Variants in HACD4 observed in about 807,000 individuals in gnomAD.
The protein encoded by HACD4 is very-long-chain (3R)-3-hydroxyacyl-CoA dehydratase 4.
HACD4 carries 35 observed loss-of-function variants against 33.3 expected under a neutral mutation model. That is an observed-to-expected ratio of 1.05 (90% CI 0.80 to 1.39). The LOEUF (loss-of-function observed/expected upper bound fraction) is 1.39, where lower values mean the gene tolerates loss of function less well. Ranked by LOEUF, HACD4 falls within the 40% of genes most tolerant of loss-of-function variation. HACD4 has a pLI of 0.00. For synonymous variants in HACD4, 118 were observed against 98.0 expected (o/e 1.20, Z -1.21); for missense variants, 323 against 276.5 (o/e 1.17, Z -1.19).
intron 5 of HACD4, among the ~76,000 whole-genome samples, chr9:21,009,192 G>A (rs10811449): frequency 0.29 from 43,775 of 151,926 alleles, 6,597 homozygotes; most frequent in East Asian, 0.51. Flanking sequence ...ATTTAACTGC[G>A]CAGTTTTATA....
At chr9:21,012,134 A>G (rs768575855) in intron 4 of HACD4, among the ~76,000 whole-genome samples, 4 of 152,212 alleles carry the variant, frequency 2.6e-5, no homozygotes, top group Non-Finnish European at 5.9e-5. Flanking sequence ...CAGTTGTACT[A>G]TCTATGTGAT....
chr9:21,024,324 C>T (rs1053600936), intron 3 of HACD4, among the ~76,000 whole-genome samples: 8 of 152,190 alleles, frequency 5.3e-5, no homozygotes, highest in African/African-American at 1.9e-4. Flanking sequence ...AATTTTCTTC[C>T]CTAACACAGT....
chr9:21,031,472 C>CGCCCGCA (rs1818219307), intron 1 of HACD4, 81 bp downstream of exon 1: 1 of 1,358,124 alleles, frequency 7.4e-7, no homozygotes, highest in Non-Finnish European at 9.4e-7. Flanking sequence ...TGCCGCCCGC[C>CGCCCGCA]CGCCCGCCGC....
chr9:21,031,636 C>CGGGGAGGAGGCA lies in HACD4; in HGVS notation c.-47_-46insTGCCTCCTCCCC. On this transcript the variant is annotated 5_prime_UTR_variant, in exon 1 of 7. Transcript: ENST00000495827. ...TCCAGCGCGGTCCAGGAAGGAGTAC[C>CGGGGAGGAGGCA]GGGGAGGAGGCAGGGGCGGCCCCGC... is the stretch of plus-strand genomic sequence containing the variant. 7.4e-7 allele frequency: 1 copy of CGGGGAGGAGGCA among 1,346,932 alleles called. No individual in the cohort carries two copies. 83.4% of individuals were successfully genotyped at this position (1,346,932 alleles called of 1,614,324 possible).
intron 4 of HACD4, among the ~76,000 whole-genome samples, chr9:21,013,400 A>G (rs1031997837): frequency 6.6e-6 from 1 of 152,212 alleles, no homozygotes; most frequent in African/African-American, 2.4e-5. Context: ...ACAGTACCAC[A>G]CTTAATTATT....
intron 2 of HACD4, among the ~76,000 whole-genome samples, chr9:21,028,384 C>T (rs1818119717): frequency 6.6e-6 from 1 of 152,162 alleles, no homozygotes; most frequent in East Asian, 1.9e-4. Flanking sequence ...TGCTTGAAAA[C>T]TCTCAACATT....
chr9:21,024,435 T>G (rs1471021057), intron 3 of HACD4, among the ~76,000 whole-genome samples: 2 of 152,248 alleles, frequency 1.3e-5, no homozygotes, highest in South Asian at 4.1e-4. Context: ...AAGGTCTCAA[T>G]GTATATTTGC....
chr9:21,008,537 T>C (rs371557546), intron 5 of HACD4, among the ~76,000 whole-genome samples: 12 of 152,172 alleles, frequency 7.9e-5, no homozygotes, highest in Admixed American at 7.2e-4. Flanking sequence ...GTAGAACACA[T>C]ATTAACATTG....
At position 21,001,072 on chromosome 9, in the gene HACD4, C is replaced by G. The variant is rs1842159999; in HGVS notation, c.*5965G>C. On this transcript the variant is annotated 3_prime_UTR_variant, in exon 7 of 7. Transcript: ENST00000495827. Reference sequence around the variant, plus strand: ...ATACAAAGAAACAGGAAAGTATGTCCCTTTCAAATGAAAACAAAAACAAAA... The same window carrying G: ...ATACAAAGAAACAGGAAAGTATGTCGCTTTCAAATGAAAACAAAAACAAAA... 1 of 151,954 alleles carries G rather than the reference C, an allele frequency of 6.6e-6. No homozygotes were observed. The highest frequency in any genetic ancestry group is 2.4e-5 in the African/African-American group (1 of 41,406). 9.4% of individuals were successfully genotyped at this position (151,954 alleles called of 1,614,324 possible). A position where few individuals can be genotyped will look rare whatever the true frequency, so the allele number is the denominator to read the frequency against.
At chr9:21,023,437 C>G (rs978412217) in intron 3 of HACD4, among the ~76,000 whole-genome samples, 1 of 152,130 alleles carries the variant, frequency 6.6e-6, no homozygotes, top group Non-Finnish European at 1.5e-5. Context: ...CCCCTGTGGA[C>G]ACACCACCAC....
intron 4 of HACD4, chr9:21,015,264 G>A (rs1327680492): frequency 6.6e-6 from 1 of 152,124 alleles, no homozygotes; most frequent in African/African-American, 2.4e-5. Context: ...TCTCAAGTAG[G>A]AGGGACGGTT....
chr9:21,011,649 A>G lies in HACD4; in HGVS notation c.430T>C (p.Leu144=). 1 of 1,611,722 alleles carries G rather than the reference A, an allele frequency of 6.2e-7. No homozygotes were observed. Among genetic ancestry groups the G allele is most frequent in the Non-Finnish European group, 8.5e-7 (1 of 1,178,116 alleles). The change falls in exon 5 of 7, where the codon TTG becomes CTG. Residue 144 remains leucine, a synonymous_variant. Transcript: ENST00000495827. ...CATAGTGTTTGACTGAGCCATGTCA[A>G]GACAGCATAGGATATTCCTATGACT... ...LSVIGISYAV[L]TWLSQTLWMP...
Position 21,008,163 on chromosome 9 carries a change from G to C in HACD4, c.491-17C>G, listed in dbSNP as rs1842317826. On this transcript the variant is annotated splice_polypyrimidine_tract_variant and intron_variant, in intron 5 of 6. Coordinates refer to ENST00000495827, the MANE Select transcript of HACD4 (RefSeq NM_001010915.5). ...TGGCAAATGCTGTTAAAAAAGAAAGGCATCATAAAGGTATTCCTCCTTAAG... is the reference window on the plus strand; with the variant it reads ...TGGCAAATGCTGTTAAAAAAGAAAGCCATCATAAAGGTATTCCTCCTTAAG... 4 of 1,599,010 alleles carry C rather than the reference G, an allele frequency of 2.5e-6. No individual in the cohort carries two copies. The highest frequency in any genetic ancestry group is 3.4e-6 in the Non-Finnish European group (4 of 1,173,238).
intron 3 of HACD4, among the ~76,000 whole-genome samples, chr9:21,016,884 A>T (rs980606105): frequency 6.6e-6 from 1 of 152,122 alleles, no homozygotes; most frequent in Non-Finnish European, 1.5e-5. Flanking sequence ...AGCATTTACA[A>T]ATCATTGAGA....
At chr9:21,019,890 A>G (rs1564276549) in intron 3 of HACD4, among the ~76,000 whole-genome samples, 1 of 152,140 alleles carries the variant, frequency 6.6e-6, no homozygotes, top group African/African-American at 2.4e-5. Flanking sequence ...TAGCAATGCA[A>G]ATAAGCACCT....
Position 21,011,688 on chromosome 9 carries a change from A to C in HACD4, c.391T>G (p.Tyr131Asp). 6.3e-7 allele frequency: 1 copy of C among 1,584,814 alleles called. No individual in the cohort carries two copies. Among genetic ancestry groups the C allele is most frequent in the Non-Finnish European group, 8.6e-7 (1 of 1,156,790 alleles). ...WNLLDMVRYTYSMLSVIGISY... is the reference protein window; with the variant it reads ...WNLLDMVRYTDSMLSVIGISY... The stretch of plus-strand genomic sequence containing the variant: ...ATTCCTATGACTGATAACATGCTAT[A>C]AGTGTACCTGAAAGGAGATGAGAAG... Residue 131 changes from tyrosine to aspartate, a missense_variant, in exon 5 of 7, where the codon TAT becomes GAT. Physicochemically the swap from Tyr to Asp is radical, Grantham distance 160. Transcript: ENST00000495827.
intron 3 of HACD4, among the ~76,000 whole-genome samples, chr9:21,023,578 T>C (rs1406525179): frequency 3.3e-5 from 5 of 150,156 alleles, no homozygotes; most frequent in Non-Finnish European, 5.9e-5. Context: ...AACAATCTTT[T>C]TTTTTTTTTT....
In HACD4 at chr9:21,007,128, G is replaced by A; in HGVS notation, c.617-9C>T. On this transcript the variant is annotated splice_polypyrimidine_tract_variant and intron_variant, in intron 6 of 6. Coordinates refer to ENST00000495827, the MANE Select transcript of HACD4 (RefSeq NM_001010915.5). ...GTAGGTAAAATACATACCTAATATG[G>A]AGAAAGAAGTTGCAAAAGTAAGTAA... is the stretch of plus-strand genomic sequence containing the variant. The A allele has an allele frequency of 7.1e-7, 1 of 1,399,192 alleles. No homozygotes were observed. The highest frequency in any genetic ancestry group is 1.4e-5 in the African/African-American group (1 of 70,524). The allele number at this position is 1,399,192 out of a possible 1,614,324, so 86.7% of individuals were successfully genotyped here.
In HACD4 at chr9:21,031,572, G is replaced by C; in HGVS notation, c.19C>G (p.Pro7Ala). 1 of 1,452,248 alleles carries C rather than the reference G, an allele frequency of 6.9e-7. No individual in the cohort carries two copies. The highest frequency in any genetic ancestry group is 9.0e-7 in the Non-Finnish European group (1 of 1,108,506). 90.0% of individuals were successfully genotyped at this position (1,452,248 alleles called of 1,614,324 possible). A position where few individuals can be genotyped will look rare whatever the true frequency, so the allele number is the denominator to read the frequency against. Residue 7 changes from proline (P) to alanine (A), a missense_variant, in exon 1 of 7, where the codon CCC becomes GCC. Transcript: ENST00000495827. ...CCCTACCTGGGCTGCAGCCAGGCGG[G>C]CAGCGCCAAGGGCCCCATGGGCCGC... MGPLAL[P>A]AWLQPRYRKN...
Sources: gnomAD v4.1 joint callset for allele counts (sites outside exome capture counted in the v4.1 genomes callset) on GRCh38, gnomAD v4.1.1 for gene constraint, MANE v1.5 for transcripts, NCBI Gene and HGNC (gene_info 2026-07-23, HGNC 2026-07-21) for gene names.